The following BANK1 variants were observed in gnomAD, a reference collection of about 807,000 sequenced individuals.
The protein encoded by BANK1 is B-cell scaffold protein with ankyrin repeats.
Under a neutral mutation model 94.5 loss-of-function variants are expected in BANK1, and 95 were observed. The observed-to-expected ratio is 1.00, with a 90% CI of 0.85 to 1.19. The LOEUF (loss-of-function observed/expected upper bound fraction) is 1.19, where lower values mean the gene tolerates loss of function less well. Among genes scored for constraint, BANK1 ranks in the 50% most tolerant of loss-of-function variants. The pLI, the probability that BANK1 is intolerant of heterozygous loss-of-function variation, is 0.00. For synonymous variants in BANK1, 334 were observed against 308.4 expected, an observed-to-expected ratio of 1.08 and a Z score of -0.87; for missense variants, 987 against 932.2, an observed-to-expected ratio of 1.06 and a Z score of -0.77.
intron 12 of BANK1, chr4:102,061,951 TCAGAGGAATCAGTCAGTCCTTAA>T (rs1293297183): frequency 6.6e-6 from 1 of 152,206 alleles, no homozygotes; most frequent in Non-Finnish European, 1.5e-5. Flanking sequence ...CTGAATTCTG[TCAGAGGAATCAGTCAGTCCTTAA>T]CATAAGGGAC....
intron 6 of BANK1, among the ~76,000 whole-genome samples, chr4:101,898,210 T>G: frequency 6.6e-6 from 1 of 152,040 alleles, no homozygotes; most frequent in East Asian, 1.9e-4. Context: ...GCTAGGGTTT[T>G]GCTTGCCTCC....
At chr4:102,023,744 C>T (rs1726989122) in intron 8 of BANK1, among the ~76,000 whole-genome samples, 1 of 152,182 alleles carries the variant, frequency 6.6e-6, no homozygotes, top group Admixed American at 6.5e-5. Context: ...TATTAAGAAA[C>T]ACTGAATATA....
intron 1 of BANK1, among the ~76,000 whole-genome samples, chr4:101,805,993 G>C (rs969698437): frequency 6.6e-6 from 1 of 151,552 alleles, no homozygotes; most frequent in African/African-American, 2.4e-5. Flanking sequence ...TATCTTCTAG[G>C]GCAAGTAGAG....
chr4:101,880,494 A>G (rs1249965892), intron 5 of BANK1, among the ~76,000 whole-genome samples: 2 of 152,134 alleles, frequency 1.3e-5, no homozygotes, highest in South Asian at 2.1e-4. Context: ...TAGTATGTCC[A>G]TACTACACAA....
intron 7 of BANK1, among the ~76,000 whole-genome samples, chr4:102,005,000 C>T (rs986739305): frequency 1.3e-5 from 2 of 151,904 alleles, no homozygotes; most frequent in Non-Finnish European, 2.9e-5. Context: ...AAAACACTAC[C>T]TAATAGCTAG....
chr4:102,048,423 A>G (rs1052917538), intron 11 of BANK1, among the ~76,000 whole-genome samples: 1 of 152,166 alleles, frequency 6.6e-6, no homozygotes, highest in African/African-American at 2.4e-5. Flanking sequence ...ACTGTTGCAG[A>G]TATTATGATC....
intron 5 of BANK1, among the ~76,000 whole-genome samples, chr4:101,871,298 T>C (rs1728278004): frequency 6.6e-6 from 1 of 152,000 alleles, no homozygotes; most frequent in South Asian, 2.1e-4. Flanking sequence ...TGTCTCAGTT[T>C]TTTGCGTGGG....
At chr4:101,995,641 C>T (rs1395888576) in intron 7 of BANK1, among the ~76,000 whole-genome samples, 3 of 152,180 alleles carry the variant, frequency 2.0e-5, no homozygotes, top group African/African-American at 4.8e-5. Context: ...TCCATTCTAA[C>T]TAGCATGAGA....
At chr4:101,813,391 T>G (rs76563987) in intron 1 of BANK1, among the ~76,000 whole-genome samples, 7,442 of 152,158 alleles carry the variant, frequency 0.049, 285 homozygotes, top group Non-Finnish European at 0.071. Flanking sequence ...TAGCAAAACT[T>G]GAGAAATAAA....
chr4:101,832,112 G>C (rs1257128992), intron 2 of BANK1, among the ~76,000 whole-genome samples: 1 of 152,210 alleles, frequency 6.6e-6, no homozygotes, highest in East Asian at 1.9e-4. Context: ...TTTGTCTCTT[G>C]TCTTACACTG....
intron 4 of BANK1, 40 bp downstream of exon 4, chr4:101,862,704 C>CCTG: frequency 6.6e-7 from 1 of 1,512,874 alleles, no homozygotes; most frequent in Non-Finnish European, 8.9e-7. Context: ...AAACATTATC[C>CCTG]TGAGTTCCTT....
chr4:101,984,206 G>A (rs977172155), intron 7 of BANK1, among the ~76,000 whole-genome samples: 6 of 151,930 alleles, frequency 3.9e-5, no homozygotes, highest in Non-Finnish European at 7.4e-5. Context: ...AAGAAAGCTC[G>A]AAAAAGAGGA....
intron 7 of BANK1, among the ~76,000 whole-genome samples, chr4:102,004,552 T>A (rs1726185737): frequency 6.6e-6 from 1 of 152,156 alleles, no homozygotes; most frequent in African/African-American, 2.4e-5. Context: ...AGCTGTGAAG[T>A]ATTATGAAAA....
intron 8 of BANK1, among the ~76,000 whole-genome samples, chr4:102,024,736 G>C (rs1205240792): frequency 2.0e-5 from 3 of 151,994 alleles, no homozygotes; most frequent in Admixed American, 2.0e-4. Context: ...ATAGTTATCT[G>C]TAAAGATCAA....
intron 7 of BANK1, among the ~76,000 whole-genome samples, chr4:101,982,858 T>TAG (rs1725366964): frequency 6.6e-6 from 1 of 151,978 alleles, no homozygotes; most frequent in Admixed American, 6.6e-5. Flanking sequence ...TATTTAATAA[T>TAG]TTTATTCTAA....
At chr4:101,798,343 G>A (rs1036016789) in intron 1 of BANK1, among the ~76,000 whole-genome samples, 6 of 152,130 alleles carry the variant, frequency 3.9e-5, no homozygotes, top group African/African-American at 9.7e-5. Flanking sequence ...TCAGTGTCAC[G>A]GCAGCAATTT....
At position 102,071,344 on chromosome 4, in the gene BANK1, C is replaced by G. The variant is rs747715220; in HGVS notation, c.2242+40C>G. ...TTTATTGAAGGATCTAAGACTAAAA[C>G]AAAGTACAGAGTAAATCAATTTCAA... On this transcript the variant is annotated intron_variant, in intron 14 of 16. Transcript: ENST00000322953. 4.4e-6 allele frequency: 7 copies of G among 1,585,954 alleles called. No homozygotes were observed. The East Asian group carries it at 1.6e-4, about 35-fold the overall frequency.
intron 7 of BANK1, among the ~76,000 whole-genome samples, chr4:101,982,430 G>T (rs1725352704): frequency 6.6e-6 from 1 of 151,772 alleles, no homozygotes; most frequent in Non-Finnish European, 1.5e-5. Context: ...GTTTAGTAGA[G>T]AATTCTTTTT....
intron 5 of BANK1, among the ~76,000 whole-genome samples, chr4:101,886,766 G>A (rs1016025598): frequency 6.8e-6 from 1 of 147,044 alleles, no homozygotes; most frequent in Non-Finnish European, 1.5e-5. Flanking sequence ...TATATTGGGG[G>A]GGGGGGCATG....
Sources: allele counts gnomAD v4.1 joint callset (sites outside exome capture counted in the v4.1 genomes callset), GRCh38; gene constraint gnomAD v4.1.1; transcripts MANE v1.5; gene names NCBI Gene and HGNC (gene_info 2026-07-23, HGNC 2026-07-21).